The following ESCO2 variants were observed in gnomAD, a reference collection of about 807,000 sequenced individuals.
ESCO2 encodes the protein N-acetyltransferase ESCO2.
In ESCO2, 51 loss-of-function variants were observed where a neutral mutation model predicts 61.7. That is an observed-to-expected ratio of 0.83 (90% CI 0.66 to 1.04). The LOEUF (loss-of-function observed/expected upper bound fraction) is 1.04, where lower values mean the gene tolerates loss of function less well. ESCO2 is among the 50% of genes least tolerant of loss of function. The pLI, the probability that ESCO2 is intolerant of heterozygous loss-of-function variation, is 0.00. For missense variants in ESCO2, 692 were observed against 686.2 expected (o/e 1.01, Z -0.09); for synonymous variants, 230 against 238.2 (o/e 0.97, Z 0.32).
In ESCO2 at chr8:27,775,588, A is replaced by T. The variant is rs768303970; in HGVS notation, c.53+21A>T. 1.1e-4 allele frequency: 175 copies of T among 1,613,186 alleles called. No homozygotes were observed. In the South Asian group the frequency reaches 1.9e-3, roughly 17 times the overall value. Reference sequence around the variant, plus strand: ...GACAGGTGAATCTCAGCCTGTGAATAGAAACTCTTAGAAAAATCCACCTTC... The same window carrying T: ...GACAGGTGAATCTCAGCCTGTGAATTGAAACTCTTAGAAAAATCCACCTTC... On this transcript the variant is annotated intron_variant, in intron 2 of 10. Coordinates refer to ENST00000305188, the MANE Select transcript of ESCO2 (RefSeq NM_001017420.3).
Position 27,804,307 on chromosome 8 carries a change from C to T in ESCO2, c.*869C>T. On this transcript the variant is annotated 3_prime_UTR_variant, in exon 11 of 11. Coordinates refer to ENST00000305188, the MANE Select transcript of ESCO2 (RefSeq NM_001017420.3). ...TTGTATGGAAATATTGGTAGTACTA[C>T]TTTGGGAACCTGTTACTGACAATTG... The T allele has an allele frequency of 4.1e-6, 4 of 985,364 alleles. No individual in the cohort carries two copies. Among genetic ancestry groups the T allele is most frequent in the Non-Finnish European group, 4.8e-6 (4 of 829,908 alleles). The allele number at this position is 985,364 out of a possible 1,614,324, so 61.0% of individuals were successfully genotyped here.
Position 27,791,948 on chromosome 8 carries a change from G to A in ESCO2, c.1264-15G>A. The A allele has an allele frequency of 1.9e-6, 3 of 1,611,732 alleles. No individual in the cohort carries two copies. The highest frequency in any genetic ancestry group is 2.5e-6 in the Non-Finnish European group (3 of 1,178,592). ...TCACAAATTAAACTGTGACCCTTTT[G>A]TTTTCCTTTGGCAGGGTTGGAAGAA... is the stretch of plus-strand genomic sequence containing the variant. On this transcript the variant is annotated splice_polypyrimidine_tract_variant and intron_variant, in intron 7 of 10. Transcript: ENST00000305188.
intron 10 of ESCO2, among the ~76,000 whole-genome samples, chr8:27,801,871 T>C (rs1426397203): frequency 1.3e-5 from 2 of 151,968 alleles, no homozygotes; most frequent in Non-Finnish European, 2.9e-5. Flanking sequence ...ATAACCATGA[T>C]ACAGTTATCA....
intron 9 of ESCO2, among the ~76,000 whole-genome samples, chr8:27,793,820 T>C (rs1257499760): frequency 2.6e-5 from 4 of 152,178 alleles, no homozygotes; most frequent in African/African-American, 9.7e-5. Context: ...GCTGCAGTCA[T>C]GCCATACAAT....
At chr8:27,794,808 C>T (rs1273740176) in intron 9 of ESCO2, among the ~76,000 whole-genome samples, 1 of 152,066 alleles carries the variant, frequency 6.6e-6, no homozygotes, top group Non-Finnish European at 1.5e-5. Context: ...ATTCATTTTT[C>T]CCGACACCAT....
In ESCO2 at chr8:27,804,199, C is replaced by A; in HGVS notation, c.*761C>A. 1 of 985,252 alleles carries A rather than the reference C, an allele frequency of 1.0e-6. No homozygotes were observed. Among genetic ancestry groups the A allele is most frequent in the Non-Finnish European group, 1.2e-6 (1 of 829,810 alleles). The allele number at this position is 985,252 out of a possible 1,614,324, so 61.0% of individuals were successfully genotyped here. A position where few individuals can be genotyped will look rare whatever the true frequency, so the allele number is the denominator to read the frequency against. The stretch of plus-strand genomic sequence containing the variant: ...AGAATTTGATAGCTTAGTGTTCAAT[C>A]TTTTTGAAAATAAATGTTTACCTGT... On this transcript the variant is annotated 3_prime_UTR_variant, in exon 11 of 11. Transcript: ENST00000305188.
downstream of ESCO2, among the ~76,000 whole-genome samples, chr8:27,815,272 C>T (rs901955869): frequency 6.6e-5 from 10 of 152,248 alleles, no homozygotes; most frequent in East Asian, 1.9e-4. Flanking sequence ...TCATTTATTC[C>T]GTTAACATTT....
chr8:27,775,353 A>AG, intron 1 of ESCO2, 146 bp from the exon 2 acceptor site: 1 of 710,140 alleles, frequency 1.4e-6, no homozygotes, highest in Non-Finnish European at 2.6e-6. Context: ...TAACCCTTGG[A>AG]GGGGTGGAAG....
downstream of ESCO2, among the ~76,000 whole-genome samples, chr8:27,814,084 C>CT (rs1352619182): frequency 1.3e-5 from 2 of 152,110 alleles, no homozygotes; most frequent in Non-Finnish European, 2.9e-5. Flanking sequence ...ACAGACTGGG[C>CT]AGAGGTCCTT....
At chr8:27,817,919 A>AT in the ESCO2 span, among the ~76,000 whole-genome samples, 1 of 152,226 alleles carries the variant, frequency 6.6e-6, no homozygotes, top group Non-Finnish European at 1.5e-5. Flanking sequence ...TGTGGTAACC[A>AT]TTAACCACAT....
At chr8:27,776,280 C>CA in intron 2 of ESCO2, 82 bp from the exon 3 acceptor site, 1 of 1,175,590 alleles carries the variant, frequency 8.5e-7, no homozygotes, top group Non-Finnish European at 1.2e-6. Flanking sequence ...ATATGACCTA[C>CA]AAGTAGAGCT....
downstream of ESCO2, among the ~76,000 whole-genome samples, chr8:27,810,755 G>A (rs1451626451): frequency 6.6e-6 from 1 of 152,068 alleles, no homozygotes; most frequent in East Asian, 1.9e-4. Context: ...CAGGAAAGGG[G>A]AGTTTTTAAG....
upstream of ESCO2, chr8:27,772,631 C>T (rs548212289): frequency 7.8e-4 from 1,025 of 1,314,250 alleles, 3 homozygotes; most frequent in Non-Finnish European, 9.2e-4. Context: ...GCCGCCTGGC[C>T]CCCGGAACTC....
chr8:27,786,212 C>T (rs970868177), intron 5 of ESCO2, among the ~76,000 whole-genome samples: 29 of 152,220 alleles, frequency 1.9e-4, no homozygotes, highest in Non-Finnish European at 2.9e-4. Flanking sequence ...GGTGGACGAA[C>T]GCAGAAATGA....
chr8:27,811,385 G>C, downstream of ESCO2: 1 of 572,454 alleles, frequency 1.7e-6, no homozygotes, highest in Non-Finnish European at 3.1e-6. Flanking sequence ...TAGGAATATA[G>C]AATGTGGATG....
At chr8:27,777,201 T>C (rs2128951373) in intron 3 of ESCO2, 32 bp downstream of exon 3, 1 of 1,576,026 alleles carries the variant, frequency 6.3e-7, no homozygotes, top group Non-Finnish European at 8.6e-7. Flanking sequence ...TAAAAATGGC[T>C]GTATAACAAA....
intron 3 of ESCO2, 167 bp from the exon 4 acceptor site, chr8:27,780,007 G>A: frequency 1.7e-6 from 1 of 587,286 alleles, no homozygotes; most frequent in Non-Finnish European, 3.1e-6. Flanking sequence ...TGAATACAGG[G>A]GAAGTTTTCC....
At chr8:27,790,015 G>C (rs567276620) in intron 7 of ESCO2, among the ~76,000 whole-genome samples, 8 of 152,240 alleles carry the variant, frequency 5.3e-5, no homozygotes, top group African/African-American at 1.9e-4. Flanking sequence ...CTAAAACATA[G>C]GTTCTGACAT....
intron 9 of ESCO2, among the ~76,000 whole-genome samples, chr8:27,795,498 C>G (rs938360282): frequency 1.3e-5 from 2 of 152,098 alleles, no homozygotes; most frequent in Non-Finnish European, 2.9e-5. Flanking sequence ...AATTTGAATG[C>G]CTTTCTTTTT....
Sources: gnomAD v4.1 joint callset for allele counts (sites outside exome capture counted in the v4.1 genomes callset) on GRCh38, gnomAD v4.1.1 for gene constraint, MANE v1.5 for transcripts, NCBI Gene and HGNC (gene_info 2026-07-23, HGNC 2026-07-21) for gene names.